Variants in TDRD12 observed in about 807,000 individuals in gnomAD.
TDRD12 encodes the protein tudor domain containing 12.
A neutral mutation model predicts 133.5 loss-of-function variants in TDRD12; 158 were observed. That is an observed-to-expected ratio of 1.18 (90% CI 1.04 to 1.35). The LOEUF is 1.35. TDRD12 is among the 40% of genes most tolerant of loss of function. The pLI is 0.00. For missense variants in TDRD12, 1,443 were observed against 1,321.3 expected, an observed-to-expected ratio of 1.09 and a Z score of -1.43; for synonymous variants, 460 against 477.9, an observed-to-expected ratio of 0.96 and a Z score of 0.49.
intron 15 of TDRD12, 109 bp from the exon 16 acceptor site, chr19:32,798,198 GT>G: frequency 9.2e-7 from 1 of 1,091,492 alleles, no homozygotes; most frequent in Non-Finnish European, 1.3e-6. Context: ...CAGAAACAGT[GT>G]TTTACTTCAT....
chr19:32,826,286 C>T, exon 8 of TDRD12: 1 of 1,448,114 alleles, frequency 6.9e-7, no homozygotes. Flanking sequence ...AAGATGTCGT[C>T]ATCTTAAAGA....
intron 11 of TDRD12, among the ~76,000 whole-genome samples, chr19:32,788,997 A>C (rs1438389291): frequency 6.6e-6 from 1 of 152,200 alleles, no homozygotes; most frequent in Non-Finnish European, 1.5e-5. Context: ...AGCTAGGCCT[A>C]CAGCCCCGAG....
At chr19:32,742,190 C>G (rs1431448481) in intron 3 of TDRD12, among the ~76,000 whole-genome samples, 1 of 148,144 alleles carries the variant, frequency 6.8e-6, no homozygotes, top group African/African-American at 2.5e-5. Context: ...GAGTTTTGCT[C>G]TTGTTGCCCA....
chr19:32,771,324 C>T (rs1044958456), intron 8 of TDRD12, among the ~76,000 whole-genome samples: 16 of 152,138 alleles, frequency 1.1e-4, no homozygotes, highest in African/African-American at 3.9e-4. Context: ...GTGTGCGTCA[C>T]CACGCCTAGA....
At chr19:32,817,392 G>A (rs141511621) in intron 26 of TDRD12, among the ~76,000 whole-genome samples, 6 of 151,944 alleles carry the variant, frequency 3.9e-5, no homozygotes, top group East Asian at 1.9e-4. Flanking sequence ...TGCCTGGCTC[G>A]TCTCAGTGTA....
rs550684481 is a variant in TDRD12, at chr19:32,818,023, G to A, written c.3315-66G>A. The A allele has an allele frequency of 5.5e-4, 385 of 699,966 alleles. No homozygotes were observed. The African/African-American group carries it at 6.2e-3, about 11-fold the overall frequency. The allele number at this position is 699,966 out of a possible 1,614,324, so 43.4% of individuals were successfully genotyped here. ...TGCACTCCAAGCTCTGTCCTCTACT[G>A]TCCCCAGACAGGCTCCACAGATGCA... On this transcript the variant is annotated intron_variant, in intron 26 of 27. Transcript: ENST00000444215.
chr19:32,790,619 T>C (rs1971042250), intron 12 of TDRD12, 28 bp downstream of exon 12: 1 of 1,551,464 alleles, frequency 6.4e-7, no homozygotes, highest in Non-Finnish European at 8.7e-7. Context: ...AAAAGTAAAA[T>C]AAAAAGAGAG....
chr19:32,790,635 AC>A, intron 12 of TDRD12, 44 bp downstream of exon 12: 1 of 1,551,546 alleles, frequency 6.4e-7, no homozygotes, highest in Non-Finnish European at 8.7e-7. Flanking sequence ...GAGAGAAAAA[AC>A]TGTTTATTCT....
rs79896483 is a variant in TDRD12, at chr19:32,748,294, C to T, written c.441-182C>T. Among the ~76,000 whole-genome samples the T allele has an allele frequency of 8.6e-3, 1,305 of 152,244 alleles. 40 individuals are homozygous for T. The East Asian group carries it at 0.1, about 12-fold the overall frequency. ...GTGCAGGTGACAGTGTTGAGACGAGCGTGTTGCAGGATGCAGTGGGATCCT... is the reference window on the plus strand; with the variant it reads ...GTGCAGGTGACAGTGTTGAGACGAGTGTGTTGCAGGATGCAGTGGGATCCT... On this transcript the variant is annotated intron_variant, in intron 4 of 27. Transcript: ENST00000444215.
chr19:32,756,463 C>T (rs1306023205), intron 7 of TDRD12, among the ~76,000 whole-genome samples: 2 of 151,790 alleles, frequency 1.3e-5, no homozygotes, highest in African/African-American at 4.8e-5. Context: ...TCTCGGCTCA[C>T]TGCAAGCTCC....
intron 11 of TDRD12, among the ~76,000 whole-genome samples, chr19:32,786,912 G>A (rs1451396195): frequency 6.6e-6 from 1 of 152,152 alleles, no homozygotes; most frequent in Non-Finnish European, 1.5e-5. Context: ...CTGACCTTCT[G>A]AAGCTTACTT....
intron 5 of TDRD12, among the ~76,000 whole-genome samples, chr19:32,748,784 A>G (rs540598227): frequency 3.2e-4 from 49 of 152,378 alleles, no homozygotes; most frequent in African/African-American, 1.1e-3. Context: ...TTACACAGTA[A>G]TAATACCTGC....
chr19:32,799,397 CCA>C (rs1439754595), intron 16 of TDRD12, among the ~76,000 whole-genome samples: 4 of 152,306 alleles, frequency 2.6e-5, no homozygotes, highest in Middle Eastern at 3.4e-3. Context: ...CAGGCTTGCC[CCA>C]GTTTTCTCCT....
intron 2 of TDRD12, among the ~76,000 whole-genome samples, chr19:32,735,222 AG>A (rs1282951377): frequency 2.0e-5 from 3 of 152,208 alleles, no homozygotes. Context: ...GTGAATGCAA[AG>A]GAAAAGTTCT....
At chr19:32,739,733 G>A (rs1368186228) in intron 3 of TDRD12, among the ~76,000 whole-genome samples, 1 of 134,694 alleles carries the variant, frequency 7.4e-6, no homozygotes, top group African/African-American at 2.9e-5. Flanking sequence ...CATCTCCTGG[G>A]TGCTGTCTGC....
chr19:32,813,732 A>G, exon 25 of TDRD12: 1 of 1,535,476 alleles, frequency 6.5e-7, no homozygotes, highest in Non-Finnish European at 8.7e-7. Flanking sequence ...GCATGATGCA[A>G]AAGTGATCCT....
At chr19:32,758,827 C>T (rs1166341780) in intron 8 of TDRD12, among the ~76,000 whole-genome samples, 4 of 151,614 alleles carry the variant, frequency 2.6e-5, no homozygotes, top group African/African-American at 9.7e-5. Context: ...CCCAGCTACT[C>T]GGGAGGCTGA....
At chr19:32,750,652 A>G (rs1218336865) in intron 6 of TDRD12, among the ~76,000 whole-genome samples, 1 of 152,076 alleles carries the variant, frequency 6.6e-6, no homozygotes, top group Non-Finnish European at 1.5e-5. Context: ...CTGATGTAGG[A>G]TCTGCTCCAG....
chr19:32,722,732 T>C (rs1968726658), intron 1 of TDRD12, among the ~76,000 whole-genome samples: 1 of 149,904 alleles, frequency 6.7e-6, no homozygotes, highest in Non-Finnish European at 1.5e-5. Flanking sequence ...CAGGCTGGAG[T>C]GTGGTGGAGC....
Sources: gnomAD v4.1 joint callset for allele counts (sites outside exome capture counted in the v4.1 genomes callset) on GRCh38, gnomAD v4.1.1 for gene constraint, MANE v1.5 for transcripts, NCBI Gene and HGNC (gene_info 2026-07-23, HGNC 2026-07-21) for gene names.